The following SLC7A8 variants were observed in gnomAD, a reference collection of about 807,000 sequenced individuals.
SLC7A8 encodes the protein solute carrier family 7 member 8, also known as large neutral amino acids transporter small subunit 2.
Under a neutral mutation model 51.2 loss-of-function variants are expected in SLC7A8, and 30 were observed. The observed-to-expected ratio is 0.59, with a 90% CI of 0.44 to 0.80. The LOEUF (loss-of-function observed/expected upper bound fraction) is 0.80, where lower values mean the gene tolerates loss of function less well. Ranked by LOEUF, SLC7A8 falls within the 30% of genes least tolerant of loss-of-function variation. The pLI is 0.00. For synonymous variants in SLC7A8, 257 were observed against 275.8 expected, an observed-to-expected ratio of 0.93 and a Z score of 0.67; for missense variants, 612 against 674.4, an observed-to-expected ratio of 0.91 and a Z score of 1.03.
intron 1 of SLC7A8, among the ~76,000 whole-genome samples, chr14:23,172,329 G>A (rs967126526): frequency 1.3e-5 from 2 of 152,234 alleles, no homozygotes; most frequent in Non-Finnish European, 2.9e-5. Context: ...TGGTCTAGGT[G>A]TAATTTGTAG....
chr14:23,150,247 C>T (rs1328942758), intron 3 of SLC7A8, among the ~76,000 whole-genome samples: 5 of 152,358 alleles, frequency 3.3e-5, no homozygotes, highest in South Asian at 2.1e-4. Flanking sequence ...AGAGCTGAGG[C>T]TGTGATCTTA....
chr14:23,165,278 CACTT>C lies in SLC7A8; in HGVS notation c.508+3_508+6del. ...TGTCTTGCTACCAAGACCCAGATGA[CACTT>C]ACATAAGCAGATGGCAGCCAGGAGC... is the stretch of plus-strand genomic sequence containing the variant. On this transcript the variant is annotated splice_donor_5th_base_variant and intron_variant, in intron 3 of 10. Transcript: ENST00000316902. The surrounding 1 kb of genome is among the most constrained non-coding windows in gnomAD (Gnocchi z 4.2). 1 of 1,607,540 alleles carries C rather than the reference CACTT, an allele frequency of 6.2e-7. No homozygotes were observed. The highest frequency in any genetic ancestry group is 1.1e-5 in the South Asian group (1 of 90,492).
At chr14:23,135,976 CA>C (rs1398947440) in intron 7 of SLC7A8, among the ~76,000 whole-genome samples, 2 of 152,132 alleles carry the variant, frequency 1.3e-5, no homozygotes, top group East Asian at 3.8e-4. Flanking sequence ...CATGTCAGTG[CA>C]AATTGGACCA....
intron 3 of SLC7A8, chr14:23,155,566 G>C: frequency 1.7e-6 from 2 of 1,145,216 alleles, no homozygotes; most frequent in Non-Finnish European, 2.2e-6. Context: ...AGCTGGCCTG[G>C]ATCGGGGAGA....
In SLC7A8 at chr14:23,126,761, A is replaced by G. The variant is rs1258951210; in HGVS notation, c.*416T>C. 2.7e-5 allele frequency: 6 copies of G among 219,616 alleles called. No individual in the cohort carries two copies. The highest frequency in any genetic ancestry group is 5.1e-5 in the Admixed American group (1 of 19,434). 13.6% of individuals were successfully genotyped at this position (219,616 alleles called of 1,614,324 possible). A position where few individuals can be genotyped will look rare whatever the true frequency, so the allele number is the denominator to read the frequency against. ...CTCCAGCTGACCCCTTGATGGGGAC[A>G]GAATTGCTTGAGCCTGTCCCCCCAC... On this transcript the variant is annotated 3_prime_UTR_variant, in exon 11 of 11. Transcript: ENST00000316902.
chr14:23,178,275 G>A (rs1328141684), intron 1 of SLC7A8, among the ~76,000 whole-genome samples: 1 of 152,144 alleles, frequency 6.6e-6, no homozygotes. Context: ...ACCCTCTTTC[G>A]ACTTTGGGGG....
At chr14:23,171,440 C>T (rs191809520) in intron 1 of SLC7A8, among the ~76,000 whole-genome samples, 2 of 152,296 alleles carry the variant, frequency 1.3e-5, no homozygotes, top group Admixed American at 1.3e-4. Context: ...AGACCAATAC[C>T]CATGTGACTC....
At chr14:23,155,209 G>A (rs1016383162) in intron 3 of SLC7A8, 73 of 1,536,000 alleles carry the variant, frequency 4.8e-5, no homozygotes, top group Non-Finnish European at 6.3e-5. Context: ...GAGAGGAGGT[G>A]CTCTGAGCCT....
At chr14:23,136,309 T>C (rs547536447) in intron 7 of SLC7A8, among the ~76,000 whole-genome samples, 14 of 152,264 alleles carry the variant, frequency 9.2e-5, no homozygotes, top group African/African-American at 3.4e-4. Context: ...ATGCACCAGG[T>C]GCTCTGTGGG....
At chr14:23,138,193 T>G (rs936351371) in intron 6 of SLC7A8, 169 bp from the exon 7 acceptor site, 5 of 719,022 alleles carry the variant, frequency 7.0e-6, no homozygotes, top group Non-Finnish European at 1.1e-5. Flanking sequence ...CTACACAGGG[T>G]GGTTAATGCA....
chr14:23,160,790 T>C (rs2048917095), intron 3 of SLC7A8, among the ~76,000 whole-genome samples: 2 of 151,952 alleles, frequency 1.3e-5, no homozygotes, highest in Non-Finnish European at 2.9e-5. Context: ...CATGAAATAA[T>C]ACAAAAGGAG....
intron 2 of SLC7A8, among the ~76,000 whole-genome samples, chr14:23,166,064 G>C (rs1397370925): frequency 1.8e-4 from 28 of 152,144 alleles, no homozygotes; most frequent in Admixed American, 1.8e-3. Context: ...ACACAGTTCT[G>C]TTTGCTCTCA....
intron 7 of SLC7A8, among the ~76,000 whole-genome samples, chr14:23,131,999 ATTT>A (rs1201371313): frequency 8.2e-5 from 8 of 98,148 alleles, no homozygotes; most frequent in Admixed American, 2.4e-4. Context: ...AAAACACTCT[ATTT>A]TTTTTTTTTT....
rs1316189754 is a variant in SLC7A8 at position 23,128,390 on chromosome 14, T to C, written c.1264-194A>G. 1.3e-6 allele frequency: 2 copies of C among 1,523,956 alleles called. No homozygotes were observed. The highest frequency in any genetic ancestry group is 2.5e-5 in the East Asian group (1 of 40,178). The allele number at this position is 1,523,956 out of a possible 1,614,324, so 94.4% of individuals were successfully genotyped here. A position where few individuals can be genotyped will look rare whatever the true frequency, so the allele number is the denominator to read the frequency against. On this transcript the variant is annotated intron_variant, in intron 9 of 10. Transcript: ENST00000316902. The surrounding 1 kb of genome is among the most constrained non-coding windows in gnomAD (Gnocchi z 4.3). ...CTATATAAACAAATGTTGATGAACA[T>C]GGTCGGTCAGACAGGAAGAGGATGG...
At chr14:23,172,158 G>T (rs2048978166) in intron 1 of SLC7A8, among the ~76,000 whole-genome samples, 1 of 152,308 alleles carries the variant, frequency 6.6e-6, no homozygotes, top group South Asian at 2.1e-4. Context: ...GGCACTTTAT[G>T]ATTTGTGAAA....
chr14:23,160,948 C>CTT (rs1383700420), intron 3 of SLC7A8, among the ~76,000 whole-genome samples: 5 of 151,204 alleles, frequency 3.3e-5, no homozygotes, highest in African/African-American at 4.9e-5. Context: ...AATACTTTCT[C>CTT]TCTCTCTCTC....
At position 23,128,846 on chromosome 14, in the gene SLC7A8, CT is replaced by C. The variant is rs1461140219; in HGVS notation, c.1264-651del. 6.6e-6 allele frequency among the ~76,000 whole-genome samples: 1 copy of C among 152,204 alleles called. No individual in the cohort carries two copies. Among genetic ancestry groups the C allele is most frequent in the African/African-American group, 2.4e-5 (1 of 41,456 alleles). On this transcript the variant is annotated intron_variant, in intron 9 of 10. Transcript: ENST00000316902. This position sits in a 1 kb window ranked among gnomAD's most constrained non-coding sequence, Gnocchi z 4.3. ...GGGACATGGGGTTATTCTACCTCCT[CT>C]TCCCTCTAGCAGATTTTCTAAGTGT...
chr14:23,151,374 T>C lies in SLC7A8; in HGVS notation c.509-8170A>G, dbSNP rs182894863. Among the ~76,000 whole-genome samples the C allele has an allele frequency of 1.9e-4, 29 of 152,292 alleles. No homozygotes were observed. In the East Asian group the frequency reaches 5.2e-3, roughly 27 times the overall value. ...GTTTAATATGTCATAGGATGGCCCA[T>C]GAAGCAAGGCCAGCAAGTGCCCCGG... On this transcript the variant is annotated intron_variant, in intron 3 of 10. Transcript: ENST00000316902.
intron 3 of SLC7A8, among the ~76,000 whole-genome samples, chr14:23,152,217 C>T (rs2048853701): frequency 6.6e-6 from 1 of 152,124 alleles, no homozygotes; most frequent in African/African-American, 2.4e-5. Flanking sequence ...ACAATCTCTG[C>T]CTCCTGGGCT....
Sources: allele counts gnomAD v4.1 joint callset (sites outside exome capture counted in the v4.1 genomes callset), GRCh38; gene constraint gnomAD v4.1.1; non-coding constraint Gnocchi (gnomAD v3.1); transcripts MANE v1.5; gene names NCBI Gene and HGNC (gene_info 2026-07-23, HGNC 2026-07-21).